RHEB: variants seen among roughly 807,000 people sequenced by gnomAD.
RHEB encodes GTP-binding protein Rheb.
A neutral mutation model predicts 28.8 loss-of-function variants in RHEB; 2 were observed. The ratio of observed to expected loss-of-function variants is 0.07; its 90% CI spans 0.03 to 0.22. RHEB has a LOEUF of 0.22. Ranked by LOEUF, RHEB falls within the 10% of genes least tolerant of loss-of-function variation. RHEB has a pLI of 1.00. For synonymous variants in RHEB, 69 were observed against 77.3 expected (o/e 0.89, Z 0.56); for missense variants, 76 against 219.9 (o/e 0.35, Z 4.14).
At position 151,467,038 on chromosome 7, in the gene RHEB, A is replaced by G. The variant is rs1330548539; in HGVS notation, c.*81T>C. The G allele has an allele frequency of 5.0e-6, 5 of 990,840 alleles. No homozygotes were observed. Among genetic ancestry groups the G allele is most frequent in the Non-Finnish European group, 8.0e-6 (5 of 625,302 alleles). 61.4% of individuals were successfully genotyped at this position (990,840 alleles called of 1,614,324 possible). ...CAGGTTAACAGAAGAAAAAAGAAGC[A>G]TAGTTTATCTTCAAGGAGAACGGGC... On this transcript the variant is annotated 3_prime_UTR_variant, in exon 8 of 8. Transcript: ENST00000262187.
chr7:151,498,631 C>CAGAGGCA (rs566691755), intron 1 of RHEB, among the ~76,000 whole-genome samples: 49 of 152,126 alleles, frequency 3.2e-4, no homozygotes, highest in Middle Eastern at 3.4e-3. Flanking sequence ...AGCTACTGGG[C>CAGAGGCA]AGAGGCAAGA....
intron 1 of RHEB, chr7:151,498,164 G>GA: frequency 7.8e-7 from 1 of 1,289,692 alleles, no homozygotes; most frequent in Non-Finnish European, 1.0e-6. Context: ...AGGTGCGTAG[G>GA]TCCTGGCTTG....
intron 1 of RHEB, among the ~76,000 whole-genome samples, chr7:151,514,428 G>A (rs1322452366): frequency 1.3e-5 from 2 of 151,766 alleles, no homozygotes; most frequent in Non-Finnish European, 2.9e-5. Context: ...AAGGTAAAAG[G>A]ACAACCCACA....
At chr7:151,513,938 A>T (rs933373859) in intron 1 of RHEB, among the ~76,000 whole-genome samples, 1 of 152,210 alleles carries the variant, frequency 6.6e-6, no homozygotes, top group South Asian at 2.1e-4. Context: ...CAAGGGACTG[A>T]GAATACCCAA....
At chr7:151,502,942 T>C (rs1482286198) in intron 1 of RHEB, 19 of 787,460 alleles carry the variant, frequency 2.4e-5, no homozygotes, top group Middle Eastern at 2.8e-4. Flanking sequence ...GTGGTGAAAA[T>C]GGATTCAATC....
At chr7:151,485,756 T>A (rs1802461005) in intron 2 of RHEB, among the ~76,000 whole-genome samples, 1 of 152,190 alleles carries the variant, frequency 6.6e-6, no homozygotes, top group Non-Finnish European at 1.5e-5. Flanking sequence ...AGATCTTATC[T>A]GAGTTATATG....
In RHEB at chr7:151,472,580, A is replaced by C. The variant is rs920166535; in HGVS notation, c.276-975T>G. On this transcript the variant is annotated intron_variant, in intron 4 of 7. Transcript: ENST00000262187. The surrounding 1 kb of genome is among the most constrained non-coding windows in gnomAD (Gnocchi z 5.2). ...TCTTACACCTCTTCTGTTTACCCTA[A>C]ATGACAAATTTCCTTTCCATTTCTT... Among the ~76,000 whole-genome samples, 3 of 152,088 alleles carry C rather than the reference A, an allele frequency of 2.0e-5. No individual in the cohort carries two copies. The highest frequency in any genetic ancestry group is 7.2e-5 in the African/African-American group (3 of 41,400).
intron 1 of RHEB, among the ~76,000 whole-genome samples, chr7:151,493,421 TA>T (rs1393439060): frequency 6.6e-6 from 1 of 152,238 alleles, no homozygotes; most frequent in Non-Finnish European, 1.5e-5. Flanking sequence ...ACCCATTCCT[TA>T]AAAGTCATTC....
At chr7:151,492,496 G>A (rs984069010) in intron 1 of RHEB, among the ~76,000 whole-genome samples, 3 of 151,636 alleles carry the variant, frequency 2.0e-5, no homozygotes, top group Admixed American at 1.3e-4. Flanking sequence ...GGGCACCTGC[G>A]ATCCCAGCTA....
At chr7:151,476,090 C>T (rs1046704952) in intron 4 of RHEB, among the ~76,000 whole-genome samples, 2 of 152,086 alleles carry the variant, frequency 1.3e-5, no homozygotes, top group African/African-American at 4.8e-5. Flanking sequence ...TAAACTTTCT[C>T]GGGGATTGAC....
chr7:151,487,047 C>T (rs1472600377), intron 2 of RHEB, among the ~76,000 whole-genome samples: 2 of 152,214 alleles, frequency 1.3e-5, no homozygotes, highest in Admixed American at 6.5e-5. Context: ...TGGCTTATGC[C>T]TGTAATCCCA....
chr7:151,469,784 C>G (rs138291573), intron 7 of RHEB, among the ~76,000 whole-genome samples: 1 of 152,068 alleles, frequency 6.6e-6, no homozygotes, highest in Non-Finnish European at 1.5e-5. Flanking sequence ...AGTACAAGAA[C>G]GTGGTGAGAG....
chr7:151,491,393 T>C (rs1466921818), intron 1 of RHEB, among the ~76,000 whole-genome samples: 1 of 152,198 alleles, frequency 6.6e-6, no homozygotes, highest in Non-Finnish European at 1.5e-5. Context: ...AGTTTCGTTG[T>C]ATTCATTCAT....
intron 1 of RHEB, among the ~76,000 whole-genome samples, chr7:151,501,209 A>G (rs1802766831): frequency 6.6e-6 from 1 of 152,224 alleles, no homozygotes; most frequent in African/African-American, 2.4e-5. Context: ...CTGGGAGAAA[A>G]TATGTGCAAA....
At chr7:151,479,549 G>T (rs371534813) in intron 3 of RHEB, among the ~76,000 whole-genome samples, 1 of 152,024 alleles carries the variant, frequency 6.6e-6, no homozygotes, top group South Asian at 2.1e-4. Context: ...TGGGCGTGGT[G>T]GCGGGCGCCT....
Position 151,490,637 on chromosome 7 carries a change from G to C in RHEB, c.124+306C>G, listed in dbSNP as rs73729818. Among the ~76,000 whole-genome samples the C allele has an allele frequency of 8.9e-3, 1,359 of 152,288 alleles. 20 individuals carry two copies. The highest frequency in any genetic ancestry group is 0.031 in the African/African-American group (1,275 of 41,556). On this transcript the variant is annotated intron_variant, in intron 2 of 7. Coordinates refer to ENST00000262187, the MANE Select transcript of RHEB (RefSeq NM_005614.4). ...GGAAACTGCAATGGCTGGGAGAAAG[G>C]GGGTGTGGGGGAGAAGACTGTGCTC...
rs1026193347 is a variant in RHEB, at chr7:151,486,204, T to C, written c.125-1400A>G. Among the ~76,000 whole-genome samples the C allele has an allele frequency of 3.9e-5, 6 of 152,198 alleles. No homozygotes were observed. The East Asian group carries it at 7.7e-4, about 19-fold the overall frequency. On this transcript the variant is annotated intron_variant, in intron 2 of 7. Transcript: ENST00000262187. ...TGTATTTCAGATTTGATGAGAAGTA[T>C]GTAAGAAACACTGGTGAGCAATAAA...
Position 151,472,614 on chromosome 7 carries a change from C to A in RHEB, c.276-1009G>T. Among the ~76,000 whole-genome samples the A allele has an allele frequency of 6.6e-6, 1 of 152,142 alleles. No individual in the cohort carries two copies. ...TTTCCTTTCCATTTCTTACCCCTTC[C>A]GTACTTTATTTTTCTTGGCAGCATG... On this transcript the variant is annotated intron_variant, in intron 4 of 7. Coordinates refer to ENST00000262187, the MANE Select transcript of RHEB (RefSeq NM_005614.4). This position sits in a 1 kb window ranked among gnomAD's most constrained non-coding sequence, Gnocchi z 5.2.
intron 3 of RHEB, among the ~76,000 whole-genome samples, chr7:151,481,793 AG>A (rs1156521661): frequency 4.6e-5 from 7 of 152,244 alleles, no homozygotes; most frequent in Non-Finnish European, 1.0e-4. Flanking sequence ...TATAACCCGA[AG>A]GGGCAAGACA....
Sources: allele counts gnomAD v4.1 joint callset (sites outside exome capture counted in the v4.1 genomes callset), GRCh38; gene constraint gnomAD v4.1.1; non-coding constraint Gnocchi (gnomAD v3.1); transcripts MANE v1.5; gene names NCBI Gene and HGNC (gene_info 2026-07-23, HGNC 2026-07-21).